The following TMEM181 variants were observed in gnomAD, a reference collection of about 807,000 sequenced individuals.
TMEM181 encodes the protein transmembrane protein 181.
TMEM181 carries 39 observed loss-of-function variants against 71.9 expected under a neutral mutation model. That is an observed-to-expected ratio of 0.54 (90% CI 0.42 to 0.71). TMEM181 has a LOEUF of 0.71. TMEM181 is among the 30% of genes least tolerant of loss of function. The pLI is 0.00. For synonymous variants in TMEM181, 245 were observed against 228.8 expected, an observed-to-expected ratio of 1.07 and a Z score of -0.64; for missense variants, 595 against 583.0, an observed-to-expected ratio of 1.02 and a Z score of -0.21.
At chr6:158,541,073 C>A (rs1038246525) in intron 1 of TMEM181, among the ~76,000 whole-genome samples, 1 of 152,094 alleles carries the variant, frequency 6.6e-6, no homozygotes, top group Non-Finnish European at 1.5e-5. Flanking sequence ...ATGTAATTGA[C>A]CTGGGCTGGA....
At chr6:158,553,381 G>C (rs1582928769) in intron 1 of TMEM181, among the ~76,000 whole-genome samples, 2 of 152,078 alleles carry the variant, frequency 1.3e-5, no homozygotes, top group Middle Eastern at 3.4e-3. Context: ...TGAGATATTA[G>C]ACAAAGCTAG....
intron 13 of TMEM181, chr6:158,626,853 C>T: frequency 2.4e-6 from 1 of 421,390 alleles, no homozygotes; most frequent in South Asian, 1.7e-5. Flanking sequence ...CTCATTTTCA[C>T]ACATCCTCAC....
At chr6:158,553,765 T>C (rs11961139) in intron 1 of TMEM181, among the ~76,000 whole-genome samples, 8,465 of 152,284 alleles carry the variant, frequency 0.056, 780 homozygotes, top group African/African-American at 0.19. Context: ...TTAAGTCACA[T>C]GAACTAAAAC....
In TMEM181 at chr6:158,629,744, T is replaced by C. The variant is rs758977582; in HGVS notation, c.1207T>C (p.Ser403Pro). ...GACAGCACCACCAGCCGAGTTCTTA[T>C]CTTTCTATGGCCTGTTGAACTTCTA... ...THYQNSAEFL[S>P]FYGLLNFYLY... The change falls in exon 15 of 17, where the codon TCT becomes CCT. Residue 403 changes from serine to proline, a missense_variant. Ser to Pro is a moderately conservative substitution (Grantham distance 74). Transcript: ENST00000684151. The C allele has an allele frequency of 3.7e-6, 6 of 1,610,852 alleles. No individual in the cohort carries two copies. Among genetic ancestry groups the C allele is most frequent in the Non-Finnish European group, 5.1e-6 (6 of 1,178,636 alleles).
At chr6:158,604,222 T>C (rs1784819414) in intron 6 of TMEM181, among the ~76,000 whole-genome samples, 1 of 152,218 alleles carries the variant, frequency 6.6e-6, no homozygotes. Context: ...TTCCCCTCCA[T>C]GATGTGGGGC....
intron 1 of TMEM181, 103 bp from the exon 2 acceptor site, chr6:158,573,317 A>AG: frequency 1.3e-6 from 1 of 759,742 alleles, no homozygotes; most frequent in Non-Finnish European, 2.2e-6. Flanking sequence ...CTGGGAGGGG[A>AG]GGTGGGCAGT....
In TMEM181 at chr6:158,607,258, T is replaced by C; in HGVS notation, c.588T>C (p.His196=). 1 of 1,614,196 alleles carries C rather than the reference T, an allele frequency of 6.2e-7. No homozygotes were observed. The highest frequency in any genetic ancestry group is 8.5e-7 in the Non-Finnish European group (1 of 1,180,026). ...LTFIVTCLFA[H]SLRKFSMRDW... is the part of the protein sequence containing the mutation. ...TTGGTTTGCAGTGCCTGTTTGCGCATTCCCTCCGGAAATTTTCCATGAGAG... is the reference window on the plus strand; with the variant it reads ...TTGGTTTGCAGTGCCTGTTTGCGCACTCCCTCCGGAAATTTTCCATGAGAG... Residue 196 remains histidine, a synonymous_variant, in exon 8 of 17, where the codon CAT becomes CAC. Coordinates refer to ENST00000684151, the MANE Select transcript of TMEM181 (RefSeq NM_001376852.1).
intron 6 of TMEM181, among the ~76,000 whole-genome samples, chr6:158,595,155 A>G (rs1243543907): frequency 1.3e-5 from 2 of 152,248 alleles, no homozygotes; most frequent in Non-Finnish European, 2.9e-5. Flanking sequence ...ACTAATTACT[A>G]ACATCCTGGT....
Position 158,628,509 on chromosome 6 carries a change from GGCCCTGGCT to G in TMEM181, c.1192+22_1192+30del, listed in dbSNP as rs1334160220. 1.9e-6 allele frequency: 3 copies of G among 1,611,506 alleles called. No homozygotes were observed. Among genetic ancestry groups the G allele is most frequent in the Non-Finnish European group, 2.5e-6 (3 of 1,177,996 alleles). On this transcript the variant is annotated intron_variant, in intron 14 of 16. Transcript: ENST00000684151. ...CAGAATTATATCCTTTTCACTGGAG[GGCCCTGGCT>G]GCAGGACGCCTGCTTAGCATTGCAG...
intron 10 of TMEM181, among the ~76,000 whole-genome samples, chr6:158,613,187 C>A (rs1308992960): frequency 6.6e-6 from 1 of 152,208 alleles, no homozygotes; most frequent in South Asian, 2.1e-4. Flanking sequence ...TGTCGAAAAC[C>A]ATAAAAATTG....
At chr6:158,626,168 G>A (rs1226853281) in intron 13 of TMEM181, among the ~76,000 whole-genome samples, 1 of 152,230 alleles carries the variant, frequency 6.6e-6, no homozygotes, top group Admixed American at 6.5e-5. Context: ...CATTGGGGGA[G>A]ATGGGAGGCG....
intron 1 of TMEM181, among the ~76,000 whole-genome samples, chr6:158,547,768 G>A (rs1448094104): frequency 6.6e-6 from 1 of 151,660 alleles, no homozygotes; most frequent in Non-Finnish European, 1.5e-5. Context: ...CTGCCCCCGG[G>A]CCACTGGTCC....
intron 1 of TMEM181, among the ~76,000 whole-genome samples, chr6:158,562,060 C>A (rs1438737575): frequency 6.6e-6 from 1 of 152,018 alleles, no homozygotes; most frequent in Non-Finnish European, 1.5e-5. Flanking sequence ...AGAACAGAGC[C>A]GCTTGGAGGA....
Position 158,560,179 on chromosome 6 carries a change from C to T in TMEM181, c.-46C>T, listed in dbSNP as rs1454541288. 1.6e-5 allele frequency: 16 copies of T among 984,896 alleles called. No individual in the cohort carries two copies. Among genetic ancestry groups the T allele is most frequent in the Non-Finnish European group, 1.9e-5 (16 of 829,758 alleles). 61.0% of individuals were successfully genotyped at this position (984,896 alleles called of 1,614,324 possible). A position where few individuals can be genotyped will look rare whatever the true frequency, so the allele number is the denominator to read the frequency against. ...GCCGAGGCTGCTGCGCGGCGCCTGG[C>T]GGGCTCGGGACGCGCGGGCCGGGGC... On this transcript the variant is annotated 5_prime_UTR_variant, in exon 1 of 17. Transcript: ENST00000684151.
upstream of TMEM181, among the ~76,000 whole-genome samples, chr6:158,558,179 C>T (rs116403901): frequency 3.0e-3 from 464 of 152,292 alleles, 1 homozygote; most frequent in African/African-American, 0.011. Context: ...TTTCCTCTCG[C>T]TGGAGATGCC....
At chr6:158,586,674 G>GC (rs1330547988) in intron 5 of TMEM181, among the ~76,000 whole-genome samples, 1 of 152,138 alleles carries the variant, frequency 6.6e-6, no homozygotes, top group Non-Finnish European at 1.5e-5. Context: ...AGGGCTAGGC[G>GC]CAGTGGCTCA....
intron 11 of TMEM181, among the ~76,000 whole-genome samples, 193 bp downstream of exon 11, chr6:158,623,800 G>A (rs538994852): frequency 7.3e-5 from 11 of 150,494 alleles, no homozygotes; most frequent in South Asian, 2.1e-4. Flanking sequence ...TTGCTCTGTC[G>A]CCCAGGCTGG....
intron 1 of TMEM181, among the ~76,000 whole-genome samples, chr6:158,562,446 T>TTGTGTGTGTGTG (rs58150738): frequency 0.019 from 2,701 of 141,140 alleles, 80 homozygotes; most frequent in African/African-American, 0.063. Context: ...AAGGCTGTTT[T>TTGTGTGTGTGTG]TGTGTGTGTG....
intron 10 of TMEM181, among the ~76,000 whole-genome samples, chr6:158,615,196 G>A (rs1015478865): frequency 6.6e-6 from 1 of 152,178 alleles, no homozygotes; most frequent in Admixed American, 6.5e-5. Flanking sequence ...GGTGTGAGTT[G>A]ATATCTCATT....
Sources: gnomAD v4.1 joint callset for allele counts (sites outside exome capture counted in the v4.1 genomes callset) on GRCh38, gnomAD v4.1.1 for gene constraint, MANE v1.5 for transcripts, NCBI Gene and HGNC (gene_info 2026-07-23, HGNC 2026-07-21) for gene names.